The following WDR25 variants were observed in gnomAD, a reference collection of about 807,000 sequenced individuals.
WDR25 encodes WD repeat-containing protein 25.
Under a neutral mutation model 47.7 loss-of-function variants are expected in WDR25, and 35 were observed. The ratio of observed to expected loss-of-function variants is 0.73; its 90% CI spans 0.56 to 0.97. WDR25 has a LOEUF of 0.97. Ranked by LOEUF, WDR25 falls within the 50% of genes least tolerant of loss-of-function variation. WDR25 has a pLI of 0.00. For missense variants in WDR25, 634 were observed against 704.7 expected, an observed-to-expected ratio of 0.90 and a Z score of 1.14; for synonymous variants, 248 against 278.9, an observed-to-expected ratio of 0.89 and a Z score of 1.10.
chr14:100,480,975 C>G (rs1900177096), intron 3 of WDR25: 1 of 427,242 alleles, frequency 2.3e-6, no homozygotes, highest in Non-Finnish European at 4.7e-6. Context: ...GTCAGCTCTG[C>G]TGAAGGGGCC....
At chr14:100,478,293 AC>A (rs748028994) in intron 3 of WDR25, among the ~76,000 whole-genome samples, 2 of 152,230 alleles carry the variant, frequency 1.3e-5, no homozygotes, top group African/African-American at 2.4e-5. Flanking sequence ...TGACGACCTT[AC>A]ATTTGTAAGA....
Position 100,529,725 on chromosome 14 carries a change from C to T in WDR25, c.1414-95C>T. On this transcript the variant is annotated intron_variant, in intron 6 of 6. Coordinates refer to ENST00000402312, the MANE Select transcript of WDR25 (RefSeq NM_001161476.3). This position sits in a 1 kb window ranked among gnomAD's most constrained non-coding sequence, Gnocchi z 5.1. ...GGTGCGAAGCCCAGCTCTGCTCCGT[C>T]AGCTCGGGGCTTCAGCCTGCTCCTC... The T allele has an allele frequency of 7.2e-7, 1 of 1,386,784 alleles. No individual in the cohort carries two copies. The highest frequency in any genetic ancestry group is 9.8e-7 in the Non-Finnish European group (1 of 1,021,216). 85.9% of individuals were successfully genotyped at this position (1,386,784 alleles called of 1,614,324 possible).
At chr14:100,457,155 A>G (rs1467680517) in intron 2 of WDR25, among the ~76,000 whole-genome samples, 3 of 152,176 alleles carry the variant, frequency 2.0e-5, no homozygotes, top group Non-Finnish European at 2.9e-5. Context: ...GGGTTTCACC[A>G]TATAGGCCAG....
chr14:100,378,972 A>AAG, intron 1 of WDR25, among the ~76,000 whole-genome samples: 1 of 139,600 alleles, frequency 7.2e-6, no homozygotes, highest in Non-Finnish European at 1.5e-5. Flanking sequence ...AAAAAAAAAA[A>AAG]AAAAAAAAAA....
intron 2 of WDR25, among the ~76,000 whole-genome samples, chr14:100,433,088 A>C (rs1000928298): frequency 6.6e-6 from 1 of 152,260 alleles, no homozygotes; most frequent in African/African-American, 2.4e-5. Context: ...GTTGTTATGC[A>C]GCACATGACT....
At position 100,430,068 on chromosome 14, in the gene WDR25, T is replaced by C. The variant is rs1487526658; in HGVS notation, c.823-37953T>C. On this transcript the variant is annotated intron_variant, in intron 2 of 6. Coordinates refer to ENST00000402312, the MANE Select transcript of WDR25 (RefSeq NM_001161476.3). This position sits in a 1 kb window ranked among gnomAD's most constrained non-coding sequence, Gnocchi z 4.7. ...GCAAGTGCTCAATGAATGTTTGTTA[T>C]ATTTGAATCTGAAAGGTTCCAGAAA... 2.0e-5 allele frequency among the ~76,000 whole-genome samples: 3 copies of C among 152,112 alleles called. No homozygotes were observed.
chr14:100,480,645 A>G (rs1006861952), intron 3 of WDR25, among the ~76,000 whole-genome samples: 5 of 152,226 alleles, frequency 3.3e-5, no homozygotes, highest in African/African-American at 1.2e-4. Context: ...GTCACCTATT[A>G]AAATCTTGAA....
intron 4 of WDR25, among the ~76,000 whole-genome samples, chr14:100,485,145 G>A (rs1900340419): frequency 3.3e-5 from 5 of 151,772 alleles, no homozygotes; most frequent in Admixed American, 3.3e-4. Context: ...CCCTCTGCCT[G>A]GAAGGCTCTT....
intron 4 of WDR25, among the ~76,000 whole-genome samples, chr14:100,524,127 G>A (rs1019295541): frequency 4.6e-5 from 7 of 152,032 alleles, no homozygotes; most frequent in Non-Finnish European, 8.8e-5. Flanking sequence ...GAAAATGTAC[G>A]GAACAACTGT....
chr14:100,436,062 C>G (rs994534142), intron 2 of WDR25, among the ~76,000 whole-genome samples: 1 of 152,214 alleles, frequency 6.6e-6, no homozygotes, highest in Non-Finnish European at 1.5e-5. Context: ...CCAGCAAGTT[C>G]TTTGCATCTG....
intron 3 of WDR25, among the ~76,000 whole-genome samples, chr14:100,473,477 TC>T (rs1418959490): frequency 6.6e-6 from 1 of 152,146 alleles, no homozygotes; most frequent in Non-Finnish European, 1.5e-5. Context: ...TTAACCTGAC[TC>T]CTGGGGAGCC....
At chr14:100,455,256 A>G (rs1322617338) in intron 2 of WDR25, 3 of 152,264 alleles carry the variant, frequency 2.0e-5, no homozygotes, top group South Asian at 4.1e-4. Flanking sequence ...TGAAAAATAC[A>G]GTATCTGAAA....
At chr14:100,376,884 C>T (rs996232241) in intron 1 of WDR25, 4 of 551,386 alleles carry the variant, frequency 7.3e-6, no homozygotes, top group Non-Finnish European at 7.5e-6. Context: ...CCCTCCCACC[C>T]GTTTGCATTC....
intron 2 of WDR25, among the ~76,000 whole-genome samples, chr14:100,410,847 A>G (rs997639455): frequency 7.3e-5 from 11 of 150,996 alleles, no homozygotes; most frequent in South Asian, 4.2e-4. Flanking sequence ...CAGTGGTGCA[A>G]TCATGGCTCA....
rs78052369 is a variant in WDR25 at position 100,498,175 on chromosome 14, G to A, written c.1101+14051G>A. Among the ~76,000 whole-genome samples, 94 of 152,352 alleles carry A rather than the reference G, an allele frequency of 6.2e-4. No homozygotes were observed. The highest frequency in any genetic ancestry group is 1.1e-3 in the Non-Finnish European group (77 of 68,034). ...CACGGATGTTCCATGTACCCTGTCAGTGGGCAGGCTTTCCTGGCAGCCACA... is the reference window on the plus strand; with the variant it reads ...CACGGATGTTCCATGTACCCTGTCAATGGGCAGGCTTTCCTGGCAGCCACA... On this transcript the variant is annotated intron_variant, in intron 4 of 6. Transcript: ENST00000402312. This position sits in a 1 kb window ranked among gnomAD's most constrained non-coding sequence, Gnocchi z 4.2.
chr14:100,436,693 T>C (rs1180747814), intron 2 of WDR25, among the ~76,000 whole-genome samples: 1 of 152,204 alleles, frequency 6.6e-6, no homozygotes, highest in Non-Finnish European at 1.5e-5. Context: ...TGTGTCAGTC[T>C]CCTGTGTAGC....
At chr14:100,487,872 C>G (rs1299311908) in intron 4 of WDR25, 1 of 152,178 alleles carries the variant, frequency 6.6e-6, no homozygotes, top group Non-Finnish European at 1.5e-5. Context: ...CAAAGCAAGC[C>G]TACATTGTGA....
chr14:100,512,591 G>A (rs2140365797), intron 4 of WDR25, among the ~76,000 whole-genome samples: 1 of 152,096 alleles, frequency 6.6e-6, no homozygotes, highest in East Asian at 1.9e-4. Context: ...AGAACTCATT[G>A]ATTTCTTTTC....
intron 2 of WDR25, among the ~76,000 whole-genome samples, chr14:100,452,047 T>C (rs1278813635): frequency 6.6e-6 from 1 of 152,208 alleles, no homozygotes; most frequent in African/African-American, 2.4e-5. Flanking sequence ...CACCCATCCC[T>C]TCATCTCATT....
Sources: allele counts gnomAD v4.1 joint callset (sites outside exome capture counted in the v4.1 genomes callset), GRCh38; gene constraint gnomAD v4.1.1; non-coding constraint Gnocchi (gnomAD v3.1); transcripts MANE v1.5; gene names NCBI Gene and HGNC (gene_info 2026-07-23, HGNC 2026-07-21).